Variants in UPB1 observed in about 807,000 individuals in gnomAD.
The protein encoded by UPB1 is beta-ureidopropionase.
In UPB1, 40 loss-of-function variants were observed where a neutral mutation model predicts 49.1. The ratio of observed to expected loss-of-function variants is 0.81; its 90% CI spans 0.63 to 1.06. The LOEUF is 1.06. Ranked by LOEUF, UPB1 falls within the 50% of genes least tolerant of loss-of-function variation. UPB1 has a pLI of 0.00. For missense variants in UPB1, 499 were observed against 505.9 expected (o/e 0.99, Z 0.13); for synonymous variants, 207 against 198.2 (o/e 1.04, Z -0.38).
rs1470068928 is a variant in UPB1 at position 24,495,576 on chromosome 22, G to A, written c.104+69G>A. 3 of 1,564,038 alleles carry A rather than the reference G, an allele frequency of 1.9e-6. No individual in the cohort carries two copies. The African/African-American group carries it at 4.1e-5, about 21-fold the overall frequency. On this transcript the variant is annotated intron_variant, in intron 1 of 9. Coordinates refer to ENST00000326010, the MANE Select transcript of UPB1 (RefSeq NM_016327.3). ...GAGTGTGGGTCTGGGGGAGCAGGCA[G>A]GGAGGGCCTCAGGGTCTGAAGGGCT...
In UPB1 at chr22:24,510,756, C is replaced by T. The variant is rs768464428; in HGVS notation, c.372C>T (p.Pro124=). The T allele has an allele frequency of 6.2e-7, 1 of 1,614,112 alleles. No individual in the cohort carries two copies. ...IICFQEAWTM[P]FAFCTREKLP... The stretch of plus-strand genomic sequence containing the variant: ...CCTTTCTCCTATTTATAGCTATGCC[C>T]TTTGCCTTCTGTACGAGAGAGAAGC... Residue 124 remains proline (P), a synonymous_variant, in exon 4 of 10, where the codon CCC becomes CCT. Coordinates refer to ENST00000326010, the MANE Select transcript of UPB1 (RefSeq NM_016327.3).
chr22:24,523,831 C>G (rs1261339902), intron 9 of UPB1, 58 bp downstream of exon 9: 1 of 1,611,338 alleles, frequency 6.2e-7, no homozygotes, highest in Non-Finnish European at 8.5e-7. Flanking sequence ...TCATCCTGCT[C>G]TCAGGAACTG....
chr22:24,513,315 T>C lies in UPB1; in HGVS notation c.460-9T>C. 6.2e-7 allele frequency: 1 copy of C among 1,614,112 alleles called. No individual in the cohort carries two copies. ...AAGTGGGACTCTGCCATATTTATCA[T>C]TTTTCCAGCTGGCGAAGAACCATGA... On this transcript the variant is annotated splice_polypyrimidine_tract_variant and intron_variant, in intron 4 of 9. Transcript: ENST00000326010.
intron 1 of UPB1, 32 bp from the exon 2 acceptor site, chr22:24,500,075 A>G: frequency 6.2e-7 from 1 of 1,613,648 alleles, no homozygotes; most frequent in East Asian, 2.2e-5. Flanking sequence ...CTGCATCAAA[A>G]TCCCCTTCCC....
At chr22:24,509,305 C>T (rs1568986695) in intron 3 of UPB1, among the ~76,000 whole-genome samples, 2 of 133,992 alleles carry the variant, frequency 1.5e-5, no homozygotes, top group Non-Finnish European at 3.0e-5. Context: ...ACTTGGTGTG[C>T]ATGGAGATGA....
chr22:24,496,404 TACACACACACACACACACAC>T (rs1012330972), intron 1 of UPB1, among the ~76,000 whole-genome samples: 2 of 126,894 alleles, frequency 1.6e-5, no homozygotes, highest in Non-Finnish European at 3.5e-5. Context: ...CACACACACA[TACACACACACACACACACAC>T]ACGTCTTTGG....
intron 9 of UPB1, among the ~76,000 whole-genome samples, chr22:24,525,501 A>G (rs2044468134): frequency 1.3e-5 from 2 of 152,218 alleles, no homozygotes; most frequent in Admixed American, 6.5e-5. Context: ...CGAAGGGGTC[A>G]CAGCAGCCAA....
chr22:24,523,574 T>TGC, intron 8 of UPB1, 45 bp from the exon 9 acceptor site: 1 of 1,612,346 alleles, frequency 6.2e-7, no homozygotes, highest in Non-Finnish European at 8.5e-7. Flanking sequence ...GAGCCCACAG[T>TGC]GCATCTACAC....
intron 3 of UPB1, chr22:24,502,803 A>G (rs994833858): frequency 2.5e-5 from 11 of 445,560 alleles, no homozygotes; most frequent in Non-Finnish European, 4.0e-5. Flanking sequence ...CCTATGGAAG[A>G]TGTCAGTGTT....
At chr22:24,513,837 G>A (rs554587930) in intron 5 of UPB1, among the ~76,000 whole-genome samples, 3 of 152,270 alleles carry the variant, frequency 2.0e-5, no homozygotes, top group African/African-American at 2.4e-5. Flanking sequence ...AATGATTCCT[G>A]TGGCCCCTTT....
At chr22:24,514,831 CAT>C (rs1223520890) in intron 5 of UPB1, among the ~76,000 whole-genome samples, 1 of 152,178 alleles carries the variant, frequency 6.6e-6, no homozygotes, top group African/African-American at 2.4e-5. Context: ...TATATAATGA[CAT>C]GTGATTGCTG....
chr22:24,499,140 C>G (rs1396634775), intron 1 of UPB1, among the ~76,000 whole-genome samples: 1 of 152,168 alleles, frequency 6.6e-6, no homozygotes, highest in Non-Finnish European at 1.5e-5. Flanking sequence ...TCAGGGCCGT[C>G]ACATGGAAAG....
chr22:24,501,437 A>C (rs1275030924), intron 2 of UPB1, among the ~76,000 whole-genome samples: 1 of 152,162 alleles, frequency 6.6e-6, no homozygotes, highest in Non-Finnish European at 1.5e-5. Context: ...GGGTCCTGGG[A>C]GTGACAGACA....
intron 3 of UPB1, among the ~76,000 whole-genome samples, chr22:24,510,163 G>C (rs1377676853): frequency 2.0e-5 from 3 of 151,896 alleles, no homozygotes; most frequent in Non-Finnish European, 2.9e-5. Flanking sequence ...AACCTGGGAG[G>C]GGGAGGTTGA....
In UPB1 at chr22:24,500,126, G is replaced by A; in HGVS notation, c.124G>A (p.Glu42Lys). The A allele has an allele frequency of 1.2e-6, 2 of 1,614,178 alleles. No individual in the cohort carries two copies. Among genetic ancestry groups the A allele is most frequent in the Non-Finnish European group, 1.7e-6 (2 of 1,180,038 alleles). The change falls in exon 2 of 10, where the codon GAA (glutamate) becomes AAA (lysine). Residue 42 changes from glutamate to lysine, a missense_variant. Glu to Lys is a moderately conservative substitution (Grantham distance 56, BLOSUM62 1). Transcript: ENST00000326010. The stretch of plus-strand genomic sequence containing the variant: ...ATCTAGGAAGCTTGATCTGCCCAGG[G>A]AAGCTTTCGAAGCTGCCTCCAGAGA... ...KELRKLDLPR[E>K]AFEAASREDF... is the part of the protein sequence containing the mutation.
chr22:24,518,085 A>G (rs2044327777), intron 6 of UPB1: 1 of 152,264 alleles, frequency 6.6e-6, no homozygotes, highest in African/African-American at 2.4e-5. Context: ...GAATCGCTTG[A>G]ACCTAGCAGG....
rs998196760 is a variant in UPB1 at position 24,526,405 on chromosome 22, G to C, written c.*611G>C. 1 of 168,610 alleles carries C rather than the reference G, an allele frequency of 5.9e-6. No individual in the cohort carries two copies. 10.4% of individuals were successfully genotyped at this position (168,610 alleles called of 1,614,324 possible). A position where few individuals can be genotyped will look rare whatever the true frequency, so the allele number is the denominator to read the frequency against. Reference sequence around the variant, plus strand: ...GACCTGATTAGTCAGAAGGCCTAAAGAACAGAGCTAAGGGTTTCCCTGAGG... The same window carrying C: ...GACCTGATTAGTCAGAAGGCCTAAACAACAGAGCTAAGGGTTTCCCTGAGG... On this transcript the variant is annotated 3_prime_UTR_variant, in exon 10 of 10. Coordinates refer to ENST00000326010, the MANE Select transcript of UPB1 (RefSeq NM_016327.3).
intron 3 of UPB1, among the ~76,000 whole-genome samples, chr22:24,509,361 GAA>G (rs202081655): frequency 3.8e-3 from 347 of 91,828 alleles, no homozygotes; most frequent in Middle Eastern, 6.7e-3. Context: ...CCTACTGTTT[GAA>G]AAAAAAAAAA....
chr22:24,497,401 A>G (rs912988957), intron 1 of UPB1, among the ~76,000 whole-genome samples: 2 of 152,278 alleles, frequency 1.3e-5, no homozygotes, highest in Middle Eastern at 3.4e-3. Flanking sequence ...TAGTTTAATG[A>G]TTTAAAGTGC....
Sources: gnomAD v4.1 joint callset for allele counts (sites outside exome capture counted in the v4.1 genomes callset) on GRCh38, gnomAD v4.1.1 for gene constraint, MANE v1.5 for transcripts, NCBI Gene and HGNC (gene_info 2026-07-23, HGNC 2026-07-21) for gene names.